The following DACH1 variants were observed in gnomAD, a reference collection of about 807,000 sequenced individuals.
DACH1 encodes the protein dachshund homolog 1.
Under a neutral mutation model 54.2 loss-of-function variants are expected in DACH1, and 12 were observed. The ratio of observed to expected loss-of-function variants is 0.22; its 90% confidence interval spans 0.14 to 0.36. The LOEUF is 0.36. Among genes scored for constraint, DACH1 ranks in the 10% least tolerant of loss-of-function variants. The probability of loss-of-function intolerance (pLI) is 1.00; values close to 1 mark genes in which losing one functional copy is unlikely to be tolerated. For missense variants in DACH1, 805 were observed against 929.8 expected (o/e 0.87, Z 1.75); for synonymous variants, 386 against 366.2 (o/e 1.05, Z -0.62).
At chr13:71,660,176 T>A (rs1164780683) in intron 2 of DACH1, among the ~76,000 whole-genome samples, 1 of 152,138 alleles carries the variant, frequency 6.6e-6, no homozygotes, top group African/African-American at 2.4e-5. Flanking sequence ...TTTTGATGTA[T>A]AAGTGCTGGC....
intron 1 of DACH1, among the ~76,000 whole-genome samples, chr13:71,755,075 A>G (rs1197982879): frequency 6.6e-6 from 1 of 152,166 alleles, no homozygotes; most frequent in African/African-American, 2.4e-5. Flanking sequence ...GGTAGATTCT[A>G]CATACTAAGA....
intron 1 of DACH1, among the ~76,000 whole-genome samples, chr13:71,733,941 C>T (rs1566465681): frequency 6.6e-6 from 1 of 151,904 alleles, no homozygotes; most frequent in East Asian, 1.9e-4. Context: ...CCGAGCTACT[C>T]AGGAGGCTGA....
chr13:71,774,229 A>G (rs1885975668), intron 1 of DACH1, among the ~76,000 whole-genome samples: 1 of 152,168 alleles, frequency 6.6e-6, no homozygotes, highest in Non-Finnish European at 1.5e-5. Context: ...GAGTATTCTG[A>G]AAACAGATGC....
chr13:71,445,086 G>A (rs1016214177), intron 10 of DACH1, among the ~76,000 whole-genome samples: 31 of 152,058 alleles, frequency 2.0e-4, no homozygotes, highest in African/African-American at 2.7e-4. Flanking sequence ...GATAAGCCCC[G>A]TGGAAGAGGC....
intron 1 of DACH1, among the ~76,000 whole-genome samples, chr13:71,815,999 G>A (rs1275269998): frequency 6.6e-6 from 1 of 151,802 alleles, no homozygotes; most frequent in Non-Finnish European, 1.5e-5. Flanking sequence ...GCAGGAGAAT[G>A]GCATGAACCC....
chr13:71,828,404 T>C (rs1471209068), intron 1 of DACH1, among the ~76,000 whole-genome samples: 2 of 151,982 alleles, frequency 1.3e-5, no homozygotes, highest in African/African-American at 4.8e-5. Flanking sequence ...CTGTGAAACC[T>C]ACATTTCTTC....
At chr13:71,862,900 G>T (rs1004180788) in intron 1 of DACH1, among the ~76,000 whole-genome samples, 1 of 151,988 alleles carries the variant, frequency 6.6e-6, no homozygotes, top group Non-Finnish European at 1.5e-5. Flanking sequence ...TATGATATGT[G>T]CATGTATAAA....
intron 3 of DACH1, among the ~76,000 whole-genome samples, chr13:71,580,391 A>G (rs1356959541): frequency 6.6e-6 from 1 of 152,160 alleles, no homozygotes; most frequent in Admixed American, 6.6e-5. Flanking sequence ...ATTTATAATC[A>G]CATTAAATAA....
intron 6 of DACH1, among the ~76,000 whole-genome samples, chr13:71,493,473 A>G (rs1298784516): frequency 6.6e-6 from 1 of 152,234 alleles, no homozygotes; most frequent in Non-Finnish European, 1.5e-5. Flanking sequence ...CAGAAACTGT[A>G]GGATCATAAA....
intron 7 of DACH1, among the ~76,000 whole-genome samples, chr13:71,483,164 T>C (rs117721182): frequency 2.7e-5 from 4 of 150,830 alleles, no homozygotes; most frequent in Non-Finnish European, 5.9e-5. Flanking sequence ...TTTAATGCTA[T>C]GATTATTGTC....
At chr13:71,813,007 C>T (rs1887777824) in intron 1 of DACH1, among the ~76,000 whole-genome samples, 1 of 152,160 alleles carries the variant, frequency 6.6e-6, no homozygotes, top group African/African-American at 2.4e-5. Context: ...AGTCATTCTT[C>T]TTCCAATAGG....
At chr13:71,734,913 C>CCATATA (rs1883940239) in intron 1 of DACH1, among the ~76,000 whole-genome samples, 2 of 145,432 alleles carry the variant, frequency 1.4e-5, no homozygotes, top group African/African-American at 5.2e-5. Flanking sequence ...TATGTATATC[C>CCATATA]CATATATGTA....
intron 3 of DACH1, among the ~76,000 whole-genome samples, chr13:71,612,449 T>C (rs1875403765): frequency 6.6e-6 from 1 of 152,060 alleles, no homozygotes; most frequent in Non-Finnish European, 1.5e-5. Context: ...AGAACTCAAA[T>C]TTCTAGATTT....
At chr13:71,619,424 A>T (rs1259259220) in intron 3 of DACH1, among the ~76,000 whole-genome samples, 2 of 151,924 alleles carry the variant, frequency 1.3e-5, no homozygotes, top group African/African-American at 4.8e-5. Context: ...TCATCATGCA[A>T]TCACACATCT....
chr13:71,557,281 T>G, intron 5 of DACH1, 123 bp from the exon 6 acceptor site: 1 of 652,534 alleles, frequency 1.5e-6, no homozygotes, highest in Non-Finnish European at 2.2e-6. Context: ...TATAATGGTC[T>G]ACCTTTAAAT....
chr13:71,779,211 ATATATACG>A (rs1265345222), intron 1 of DACH1, among the ~76,000 whole-genome samples: 3 of 109,882 alleles, frequency 2.7e-5, no homozygotes, highest in Admixed American at 9.0e-5. Flanking sequence ...ATATGTGTAT[ATATATACG>A]TATATACGTA....
At chr13:71,838,807 G>A (rs75128046) in intron 1 of DACH1, among the ~76,000 whole-genome samples, 9,891 of 152,206 alleles carry the variant, frequency 0.065, 1,055 homozygotes, top group East Asian at 0.57. Context: ...GAATCAGCCA[G>A]CACACTCTGC....
At chr13:71,762,535 G>T (rs1385198317) in intron 1 of DACH1, among the ~76,000 whole-genome samples, 1 of 152,072 alleles carries the variant, frequency 6.6e-6, no homozygotes, top group Admixed American at 6.6e-5. Flanking sequence ...GGGAGGCCAA[G>T]GCGAGCAGAA....
chr13:71,742,202 T>C (rs1884418483), intron 1 of DACH1, among the ~76,000 whole-genome samples: 2 of 152,180 alleles, frequency 1.3e-5, no homozygotes, highest in Admixed American at 1.3e-4. Context: ...CCCAGGTATG[T>C]GGAACTGTAA....
Sources: allele counts gnomAD v4.1 joint callset (sites outside exome capture counted in the v4.1 genomes callset), GRCh38; gene constraint gnomAD v4.1.1; transcripts MANE v1.5; gene names NCBI Gene and HGNC (gene_info 2026-07-23, HGNC 2026-07-21).